Variants in GPHN observed in about 807,000 individuals in gnomAD.
GPHN encodes gephyrin.
Under a neutral mutation model 95.5 loss-of-function variants are expected in GPHN, and 17 were observed. That is an observed-to-expected ratio of 0.18 (90% CI 0.12 to 0.27). The LOEUF (loss-of-function observed/expected upper bound fraction) is 0.27. Ranked by LOEUF, GPHN falls within the 10% of genes least tolerant of loss-of-function variation. GPHN has a pLI of 1.00. For synonymous variants in GPHN, 320 were observed against 322.5 expected (o/e 0.99, Z 0.08); for missense variants, 660 against 978.1 (o/e 0.67, Z 4.34).
intron 2 of GPHN, among the ~76,000 whole-genome samples, chr14:66,740,993 G>A (rs903992322): frequency 6.6e-6 from 1 of 152,170 alleles, no homozygotes; most frequent in African/African-American, 2.4e-5. Flanking sequence ...GCATCTCATG[G>A]CAGAAGGAAG....
chr14:66,702,587 G>A (rs2068659444), intron 2 of GPHN, among the ~76,000 whole-genome samples: 1 of 152,004 alleles, frequency 6.6e-6, no homozygotes, highest in African/African-American at 2.4e-5. Flanking sequence ...AACAATTAAA[G>A]AGAAAACAAC....
intron 4 of GPHN, among the ~76,000 whole-genome samples, chr14:66,828,777 T>G (rs1412800803): frequency 6.6e-6 from 1 of 152,036 alleles, no homozygotes; most frequent in African/African-American, 2.4e-5. Context: ...CAGATTTCTC[T>G]CCAGGTCTAT....
intron 17 of GPHN, among the ~76,000 whole-genome samples, chr14:67,131,510 A>T (rs1489103376): frequency 6.6e-6 from 1 of 152,176 alleles, no homozygotes; most frequent in Non-Finnish European, 1.5e-5. Flanking sequence ...CTTCAAAGTA[A>T]GTCCAAAAGC....
At chr14:66,948,576 C>T (rs2067896258) in intron 8 of GPHN, among the ~76,000 whole-genome samples, 1 of 152,136 alleles carries the variant, frequency 6.6e-6, no homozygotes, top group African/African-American at 2.4e-5. Flanking sequence ...TTTCTGTCAC[C>T]AGCAAATATG....
At chr14:66,637,382 G>A (rs2064157851) in intron 1 of GPHN, among the ~76,000 whole-genome samples, 1 of 151,976 alleles carries the variant, frequency 6.6e-6, no homozygotes, top group South Asian at 2.1e-4. Context: ...TAGATTCAGG[G>A]AATGAAATCC....
At chr14:67,633,272 T>C in the GPHN span, among the ~76,000 whole-genome samples, 1 of 152,216 alleles carries the variant, frequency 6.6e-6, no homozygotes, top group Non-Finnish European at 1.5e-5. Flanking sequence ...GTTCTCTCTT[T>C]TTTTTTCTTC....
intron 12 of GPHN, among the ~76,000 whole-genome samples, chr14:67,091,001 T>C (rs1190815802): frequency 1.3e-5 from 2 of 152,046 alleles, no homozygotes; most frequent in East Asian, 3.9e-4. Flanking sequence ...AATTGTTTTT[T>C]AAAATATTTA....
intron 9 of GPHN, among the ~76,000 whole-genome samples, chr14:66,978,109 T>C (rs1453701000): frequency 1.3e-5 from 2 of 152,226 alleles, no homozygotes; most frequent in Non-Finnish European, 2.9e-5. Context: ...AATTAAAAAA[T>C]ACGTTAGTCC....
At chr14:66,939,630 C>T (rs2153571806) in intron 8 of GPHN, among the ~76,000 whole-genome samples, 1 of 152,294 alleles carries the variant, frequency 6.6e-6, no homozygotes, top group East Asian at 1.9e-4. Context: ...GTAACTCCAC[C>T]CCATCCTCCC....
the GPHN span, among the ~76,000 whole-genome samples, chr14:67,558,587 T>A: frequency 6.6e-6 from 1 of 152,076 alleles, no homozygotes; most frequent in Non-Finnish European, 1.5e-5. Context: ...GCTCCTTAGG[T>A]CAGAAAAAAG....
the GPHN span, among the ~76,000 whole-genome samples, chr14:67,454,871 C>CA: frequency 1.3e-3 from 186 of 139,560 alleles, 1 homozygote; most frequent in Non-Finnish European, 2.4e-3. Flanking sequence ...ATTCTTTCTC[C>CA]TTTTTTTTTT....
intron 1 of GPHN, among the ~76,000 whole-genome samples, chr14:66,587,305 A>G (rs996952662): frequency 2.0e-5 from 3 of 152,332 alleles, no homozygotes; most frequent in Middle Eastern, 3.4e-3. Context: ...CAAACATTTA[A>G]AGAAGAAGTA....
intron 18 of GPHN, among the ~76,000 whole-genome samples, chr14:67,144,250 A>AAAAATATATATATATAT (rs1168342196): frequency 1.7e-5 from 1 of 57,772 alleles, no homozygotes; most frequent in Non-Finnish European, 2.9e-5. Flanking sequence ...AAAAAAAAAA[A>AAAAATATATATATATAT]ATATATATAT....
intron 2 of GPHN, among the ~76,000 whole-genome samples, chr14:66,768,558 TC>T (rs1352322466): frequency 1.3e-5 from 2 of 151,944 alleles, no homozygotes; most frequent in Non-Finnish European, 2.9e-5. Context: ...GATAAAAGGA[TC>T]AATCCATTAG....
chr14:66,631,152 G>A (rs1001734034), intron 1 of GPHN, among the ~76,000 whole-genome samples: 6 of 151,818 alleles, frequency 4.0e-5, no homozygotes, highest in South Asian at 2.1e-4. Context: ...GGGTTCAAGC[G>A]AGTCTTCGTC....
At chr14:67,148,857 C>T (rs971185418) in intron 18 of GPHN, among the ~76,000 whole-genome samples, 3 of 151,708 alleles carry the variant, frequency 2.0e-5, no homozygotes, top group East Asian at 2.0e-4. Context: ...TGAGCCACCG[C>T]GCCCGGCCAG....
intron 2 of GPHN, among the ~76,000 whole-genome samples, chr14:66,768,941 C>T (rs1365558641): frequency 6.6e-6 from 1 of 151,932 alleles, no homozygotes; most frequent in African/African-American, 2.4e-5. Context: ...TACATATATA[C>T]TTGTCTGCTA....
chr14:67,725,640 G>A, the GPHN span, among the ~76,000 whole-genome samples: 3 of 152,124 alleles, frequency 2.0e-5, no homozygotes, highest in Admixed American at 6.6e-5. Flanking sequence ...CTTCTACCAC[G>A]GACTATGAAA....
intron 1 of GPHN, among the ~76,000 whole-genome samples, chr14:66,659,270 G>A (rs1439961397): frequency 1.3e-5 from 2 of 151,640 alleles, no homozygotes; most frequent in Non-Finnish European, 2.9e-5. Flanking sequence ...GCCTTGTCTG[G>A]TATGTTTCTG....
Sources: allele counts gnomAD v4.1 joint callset (sites outside exome capture counted in the v4.1 genomes callset), GRCh38; gene constraint gnomAD v4.1.1; transcripts MANE v1.5; gene names NCBI Gene and HGNC (gene_info 2026-07-23, HGNC 2026-07-21).